Variants in THAP9 observed in about 807,000 individuals in gnomAD.
THAP9 encodes the protein THAP domain containing 9.
Under a neutral mutation model 35.7 loss-of-function variants are expected in THAP9, and 20 were observed. The observed-to-expected ratio is 0.56, with a 90% CI of 0.39 to 0.81. The LOEUF (loss-of-function observed/expected upper bound fraction) is 0.81. Ranked by LOEUF, THAP9 falls within the 40% of genes least tolerant of loss-of-function variation. The pLI is 0.00. For synonymous variants in THAP9, 335 were observed against 373.7 expected (o/e 0.90, Z 1.19); for missense variants, 870 against 1,047.4 (o/e 0.83, Z 2.34).
chr4:82,919,802 G>A lies in THAP9; in HGVS notation c.*878G>A, dbSNP rs774134856. The A allele has an allele frequency of 1.2e-4, 19 of 152,118 alleles. No homozygotes were observed. Among genetic ancestry groups the A allele is most frequent in the Non-Finnish European group, 2.4e-4 (16 of 68,008 alleles). 9.4% of individuals were successfully genotyped at this position (152,118 alleles called of 1,614,324 possible). A position where few individuals can be genotyped will look rare whatever the true frequency, so the allele number is the denominator to read the frequency against. On this transcript the variant is annotated 3_prime_UTR_variant, in exon 5 of 5. Coordinates refer to ENST00000302236, the MANE Select transcript of THAP9 (RefSeq NM_024672.6). ...CTTTCACAAATGAGGATAGTTTAAC[G>A]GATAGAAGAAACAAGCACATTATTC...
Position 82,918,857 on chromosome 4 carries a change from C to A in THAP9, c.2645C>A (p.Ser882Ter). ...TCATCTGTACAGGATTATAAATGTTCAAGTTTTGCTAATACCAGTAGTAAA... is the reference window on the plus strand; with the variant it reads ...TCATCTGTACAGGATTATAAATGTTAAAGTTTTGCTAATACCAGTAGTAAA... ...HWSSVQDYKC[S>*]SFANTSSKFR... Residue 882 changes from serine (S) to a stop codon, truncating the protein, a stop_gained, in exon 5 of 5, where the codon TCA becomes TAA. Transcript: ENST00000302236. LOFTEE classifies it high-confidence loss of function. 1 of 1,612,682 alleles carries A rather than the reference C, an allele frequency of 6.2e-7. No individual in the cohort carries two copies. Among genetic ancestry groups the A allele is most frequent in the South Asian group, 1.1e-5 (1 of 90,748 alleles).
chr4:82,917,620 A>T lies in THAP9; in HGVS notation c.1408A>T (p.Asn470Tyr). ...ACCAAGTACACTTGCAAATTTGAAA[A>T]ATCATGTACTGAAAGTGAATAGTGC... Reference protein sequence around the residue: ...RIPSTLANLKNHVLKVNSATQ... With the variant: ...RIPSTLANLKYHVLKVNSATQ... The change falls in exon 5 of 5, where the codon AAT (asparagine) becomes TAT (tyrosine). Residue 470 changes from asparagine to tyrosine, a missense_variant. Physicochemically the swap from Asn to Tyr is moderately radical, Grantham distance 143. Transcript: ENST00000302236. 6.2e-7 allele frequency: 1 copy of T among 1,614,060 alleles called. No individual in the cohort carries two copies. Among genetic ancestry groups the T allele is most frequent in the Non-Finnish European group, 8.5e-7 (1 of 1,179,950 alleles).
chr4:82,912,128 C>A (rs1168568723), intron 4 of THAP9, among the ~76,000 whole-genome samples: 3 of 152,164 alleles, frequency 2.0e-5, no homozygotes, highest in African/African-American at 7.2e-5. Flanking sequence ...TTTCCCAAAG[C>A]TGTGTTTTTT....
chr4:82,900,906 G>C (rs1346208519), intron 1 of THAP9, 24 bp downstream of exon 1: 1 of 1,611,974 alleles, frequency 6.2e-7, no homozygotes, highest in African/African-American at 1.3e-5. Flanking sequence ...CAGCCTCGAA[G>C]CCTTCGAACT....
chr4:82,904,838 G>A lies in THAP9; in HGVS notation c.183G>A (p.Leu61=), dbSNP rs761002103. Residue 61 remains leucine, a synonymous_variant, in exon 2 of 5, where the codon CTG becomes CTA. Transcript: ENST00000302236. The stretch of plus-strand genomic sequence containing the variant: ...GGATTCCAGGACCAGGTGCTATACT[G>A]TGTTCCAAACATTTTCAAGAAAGTG... ...KIWIPGPGAI[L]CSKHFQESDF... 1.2e-6 allele frequency: 2 copies of A among 1,613,898 alleles called. No individual in the cohort carries two copies. Among genetic ancestry groups the A allele is most frequent in the African/African-American group, 1.3e-5 (1 of 74,892 alleles).
Position 82,918,242 on chromosome 4 carries a change from A to G in THAP9, c.2030A>G (p.Gln677Arg), listed in dbSNP as rs904797687. Reference sequence around the variant, plus strand: ...TTGGCGCTTTGGACAGTTCAACGTCAGTATGGTGTCAGCGTTACAAAGACT... The same window carrying G: ...TTGGCGCTTTGGACAGTTCAACGTCGGTATGGTGTCAGCGTTACAAAGACT... ...KDLALWTVQR[Q>R]YGVSVTKTVF... The change falls in exon 5 of 5, where the codon CAG becomes CGG. Residue 677 changes from glutamine (Q) to arginine (R), a missense_variant. By Grantham distance (43) the Gln-to-Arg change is conservative. Transcript: ENST00000302236. The G allele has an allele frequency of 1.2e-6, 2 of 1,614,222 alleles. No individual in the cohort carries two copies. The highest frequency in any genetic ancestry group is 2.7e-5 in the African/African-American group (2 of 75,072).
intron 2 of THAP9, 145 bp downstream of exon 2, chr4:82,905,076 A>T (rs569332414): frequency 1.2e-4 from 67 of 565,646 alleles, no homozygotes; most frequent in Middle Eastern, 5.1e-4. Flanking sequence ...TTGAAAATTT[A>T]AAAAAAAAAT....
In THAP9 at chr4:82,904,847, A is replaced by T; in HGVS notation, c.192A>T (p.Lys64Asn). 1 of 1,614,104 alleles carries T rather than the reference A, an allele frequency of 6.2e-7. No homozygotes were observed. Among genetic ancestry groups the T allele is most frequent in the Non-Finnish European group, 8.5e-7 (1 of 1,180,000 alleles). Residue 64 changes from lysine to asparagine, a missense_variant, in exon 2 of 5, where the codon AAA becomes AAT. Lys to Asn is a moderately conservative substitution (Grantham distance 94). This residue lies in a region of THAP9 where 440 missense variants were observed against 501.2 expected (regional missense o/e 0.88). Transcript: ENST00000302236. The stretch of plus-strand genomic sequence containing the variant: ...GACCAGGTGCTATACTGTGTTCCAA[A>T]CATTTTCAAGAAAGTGACTTTGAGT... ...IPGPGAILCS[K>N]HFQESDFESY...
At position 82,919,157 on chromosome 4, in the gene THAP9, T is replaced by C. The variant is rs1446222026; in HGVS notation, c.*233T>C. On this transcript the variant is annotated 3_prime_UTR_variant, in exon 5 of 5. Coordinates refer to ENST00000302236, the MANE Select transcript of THAP9 (RefSeq NM_024672.6). Reference sequence around the variant, plus strand: ...AAGCAGTAGGTCAGTAGGAGCAAACTAGCCAACAGGTACTGTCTTTGAATT... The same window carrying C: ...AAGCAGTAGGTCAGTAGGAGCAAACCAGCCAACAGGTACTGTCTTTGAATT... 2.7e-6 allele frequency: 1 copy of C among 375,724 alleles called. No individual in the cohort carries two copies. The highest frequency in any genetic ancestry group is 4.6e-5 in the East Asian group (1 of 21,896). 23.3% of individuals were successfully genotyped at this position (375,724 alleles called of 1,614,324 possible).
At chr4:82,901,155 G>A (rs1279044814) in intron 1 of THAP9, 1 of 664,772 alleles carries the variant, frequency 1.5e-6, no homozygotes, top group Non-Finnish European at 2.8e-6. Flanking sequence ...CCATTAATTG[G>A]ATGGTCTTAT....
At chr4:82,914,137 A>G (rs959149801) in intron 4 of THAP9, among the ~76,000 whole-genome samples, 3 of 152,234 alleles carry the variant, frequency 2.0e-5, no homozygotes, top group Non-Finnish European at 4.4e-5. Context: ...AGCTCTATCC[A>G]TGTTGCTGCA....
In THAP9 at chr4:82,906,519, A is replaced by G. The variant is rs759322413; in HGVS notation, c.472A>G (p.Asn158Asp). 5.0e-6 allele frequency: 8 copies of G among 1,613,758 alleles called. No individual in the cohort carries two copies. The highest frequency in any genetic ancestry group is 6.8e-6 in the Non-Finnish European group (8 of 1,179,816). The change falls in exon 3 of 5, where the codon AAC (asparagine) becomes GAC (aspartate). Residue 158 changes from asparagine (N) to aspartate (D), a missense_variant. Physicochemically the swap from Asn to Asp is conservative, Grantham distance 23. Transcript: ENST00000302236. ...VSKKRLISVK[N>D]YRMIKKRKGL... is the part of the protein sequence containing the mutation. ...CAAAAAAAGACTTATCTCCGTAAAG[A>G]ACTACAGGATGATCAAGAAGAGAAA...
intron 2 of THAP9, 51 bp from the exon 3 acceptor site, chr4:82,906,273 C>T: frequency 7.0e-7 from 1 of 1,424,212 alleles, no homozygotes; most frequent in Non-Finnish European, 9.5e-7. Flanking sequence ...TACAGATACT[C>T]TTCTATGTGA....
intron 1 of THAP9, chr4:82,901,289 T>C: frequency 2.4e-6 from 1 of 412,434 alleles, no homozygotes; most frequent in East Asian, 6.8e-5. Context: ...TTGCAAGTTC[T>C]TAAGTGCTGT....
intron 1 of THAP9, 25 bp downstream of exon 1, chr4:82,900,907 C>T (rs1333591187): frequency 1.9e-6 from 3 of 1,611,532 alleles, no homozygotes; most frequent in Non-Finnish European, 2.5e-6. Flanking sequence ...AGCCTCGAAG[C>T]CTTCGAACTC....
In THAP9 at chr4:82,918,939, A is replaced by G. The variant is rs1246025298; in HGVS notation, c.*15A>G. 12 of 1,514,260 alleles carry G rather than the reference A, an allele frequency of 7.9e-6. No homozygotes were observed. The highest frequency in any genetic ancestry group is 2.2e-5 in the Admixed American group (1 of 45,656). The allele number at this position is 1,514,260 out of a possible 1,614,324, so 93.8% of individuals were successfully genotyped here. A position where few individuals can be genotyped will look rare whatever the true frequency, so the allele number is the denominator to read the frequency against. ...CATTCAAATGAGAGACCTAAAATAT[A>G]TTAACATTTTAATTAAGAATACTTG... On this transcript the variant is annotated 3_prime_UTR_variant, in exon 5 of 5. Transcript: ENST00000302236.
chr4:82,900,865 C>A lies in THAP9; in HGVS notation c.63C>A (p.Arg21=). The A allele has an allele frequency of 6.2e-7, 1 of 1,613,480 alleles. No individual in the cohort carries two copies. The highest frequency in any genetic ancestry group is 8.5e-7 in the Non-Finnish European group (1 of 1,180,028). The change falls in exon 1 of 5, where the codon CGC becomes CGA. Residue 21 remains arginine (R), a synonymous_variant. Transcript: ENST00000302236. Reference sequence around the variant, plus strand: ...GTGACACCGTGCTCAGCCGGGAGCGCGGCCTCTCCTTCCACCAGTGCGTAT... The same window carrying A: ...GTGACACCGTGCTCAGCCGGGAGCGAGGCCTCTCCTTCCACCAGTGCGTAT... ...STRDTVLSRE[R]GLSFHQFPTD...
Position 82,917,894 on chromosome 4 carries a change from G to C in THAP9, c.1682G>C (p.Ser561Thr), listed in dbSNP as rs781347778. The C allele has an allele frequency of 6.2e-7, 1 of 1,613,590 alleles. No homozygotes were observed. The highest frequency in any genetic ancestry group is 1.1e-5 in the South Asian group (1 of 91,070). ...ATTTTTGTTACATTATCTGACACTAGCAATAATCAAATAATTAAAGGTAAG... is the reference window on the plus strand; with the variant it reads ...ATTTTTGTTACATTATCTGACACTACCAATAATCAAATAATTAAAGGTAAG... ...KTIFVTLSDT[S>T]NNQIIKGKQK... Residue 561 changes from serine (S) to threonine (T), a missense_variant, in exon 5 of 5, where the codon AGC becomes ACC. Around this residue, in one of 3 missense-constraint regions of THAP9, gnomAD observed 414 missense variants for 500.8 expected, o/e 0.83. Transcript: ENST00000302236.
intron 4 of THAP9, among the ~76,000 whole-genome samples, chr4:82,908,530 G>C (rs1720745334): frequency 6.6e-6 from 1 of 152,146 alleles, no homozygotes; most frequent in African/African-American, 2.4e-5. Flanking sequence ...TTCTAGTAAT[G>C]TCTTATAAAT....
Sources: gnomAD v4.1 joint callset for allele counts (sites outside exome capture counted in the v4.1 genomes callset) on GRCh38, gnomAD v4.1.1 for gene constraint, gnomAD v4.1.1 regional missense constraint, MANE v1.5 for transcripts, NCBI Gene and HGNC (gene_info 2026-07-23, HGNC 2026-07-21) for gene names.